Variants in MAST2 observed in about 807,000 individuals in gnomAD.
MAST2 encodes microtubule-associated serine/threonine-protein kinase 2.
MAST2 carries 70 observed loss-of-function variants against 147.4 expected under a neutral mutation model. The observed-to-expected ratio is 0.47, with a 90% CI of 0.39 to 0.58. MAST2 has a LOEUF of 0.58. MAST2 is among the 20% of genes least tolerant of loss of function. MAST2 has a pLI of 0.00. For synonymous variants in MAST2, 869 were observed against 896.8 expected (o/e 0.97, Z 0.55); for missense variants, 2,080 against 2,302.3 (o/e 0.90, Z 1.98).
rs767501184 is a variant in MAST2 at position 46,035,134 on chromosome 1, C to T, written c.4465C>T (p.Arg1489Trp). Residue 1489 changes from arginine to tryptophan, a missense_variant, in exon 29 of 29, where the codon CGG becomes TGG. Coordinates refer to ENST00000361297, the MANE Select transcript of MAST2 (RefSeq NM_015112.3). This position sits in a 1 kb window ranked among gnomAD's most constrained non-coding sequence, Gnocchi z 5.5. ...GTLRQDRAER[R>W]ESLQKQEAIR... is the part of the protein sequence containing the mutation. ...CCTCCGGCAGGACCGAGCCGAACGA[C>T]GGGAGTCGCTGCAGAAGCAAGAAGC... The T allele has an allele frequency of 2.5e-6, 4 of 1,613,702 alleles. No individual in the cohort carries two copies. Among genetic ancestry groups the T allele is most frequent in the South Asian group, 1.1e-5 (1 of 91,084 alleles).
At chr1:45,951,407 AC>A (rs1265524744) in intron 4 of MAST2, among the ~76,000 whole-genome samples, 1 of 151,912 alleles carries the variant, frequency 6.6e-6, no homozygotes, top group Non-Finnish European at 1.5e-5. Context: ...ATATGGTAAA[AC>A]CCTGTCTCTA....
In MAST2 at chr1:46,010,640, C is replaced by T. The variant is rs76400393; in HGVS notation, c.979-90C>T. ...AAGGAAACCAGGATCAGAGGGAGCC[C>T]ATTATTTTGCTATTTCCAGGTCCTT... On this transcript the variant is annotated intron_variant, in intron 9 of 28. Coordinates refer to ENST00000361297, the MANE Select transcript of MAST2 (RefSeq NM_015112.3). 1.3e-3 allele frequency: 1,408 copies of T among 1,078,314 alleles called. 17 individuals carry two copies. The African/African-American group carries it at 0.02, about 16-fold the overall frequency. 66.8% of individuals were successfully genotyped at this position (1,078,314 alleles called of 1,614,324 possible).
chr1:45,915,062 C>CTG (rs1470720278), intron 4 of MAST2, among the ~76,000 whole-genome samples: 1 of 152,162 alleles, frequency 6.6e-6, no homozygotes, highest in Non-Finnish European at 1.5e-5. Context: ...ACCTCAGCAG[C>CTG]TGGGACCACA....
chr1:45,947,674 G>C (rs914841817), intron 4 of MAST2, among the ~76,000 whole-genome samples: 1 of 152,206 alleles, frequency 6.6e-6, no homozygotes, highest in African/African-American at 2.4e-5. Context: ...GTTTGCAGAT[G>C]ACATGATTCT....
At chr1:45,934,146 C>T (rs547203988) in intron 4 of MAST2, among the ~76,000 whole-genome samples, 159 of 152,176 alleles carry the variant, frequency 1.0e-3, no homozygotes, top group African/African-American at 3.6e-3. Flanking sequence ...GTTTAGCTCC[C>T]ACTTATAGGT....
At chr1:45,816,176 A>C (rs1250909107) in intron 1 of MAST2, among the ~76,000 whole-genome samples, 1 of 141,994 alleles carries the variant, frequency 7.0e-6, no homozygotes, top group East Asian at 2.2e-4. Flanking sequence ...GGCAACCCCA[A>C]GAAAGGCAGC....
chr1:46,016,023 A>C (rs1002176805), intron 10 of MAST2, among the ~76,000 whole-genome samples: 14 of 152,178 alleles, frequency 9.2e-5, no homozygotes, highest in African/African-American at 3.4e-4. Flanking sequence ...GGTTCAATAT[A>C]CATAAATCAA....
At chr1:45,992,849 C>T (rs1644903904) in intron 5 of MAST2, among the ~76,000 whole-genome samples, 2 of 152,100 alleles carry the variant, frequency 1.3e-5, no homozygotes, top group South Asian at 2.1e-4. Flanking sequence ...TTTTCTCCTT[C>T]CGTGATCTTT....
At chr1:45,923,381 A>G (rs1216954458) in intron 4 of MAST2, among the ~76,000 whole-genome samples, 1 of 152,164 alleles carries the variant, frequency 6.6e-6, no homozygotes, top group East Asian at 1.9e-4. Flanking sequence ...CCATCACTGT[A>G]ATGTTTCTGA....
intron 4 of MAST2, chr1:45,913,936 C>G (rs1222312885): frequency 1.7e-5 from 19 of 1,098,574 alleles, no homozygotes; most frequent in Admixed American, 4.2e-5. Flanking sequence ...AAAACTAATG[C>G]CAACTAACAC....
chr1:45,943,073 A>G (rs1299704902), intron 4 of MAST2, among the ~76,000 whole-genome samples: 2 of 152,234 alleles, frequency 1.3e-5, no homozygotes, highest in Non-Finnish European at 2.9e-5. Context: ...GTGAAAAATT[A>G]ACATGTATTA....
chr1:46,031,675 G>C lies in MAST2; in HGVS notation c.3187+90G>C. Reference sequence around the variant, plus strand: ...AGGGTTCTGCACGTGGCAGGTGTGTGTGTGTGTGTTAAGCACAGATCTGAC... The same window carrying C: ...AGGGTTCTGCACGTGGCAGGTGTGTCTGTGTGTGTTAAGCACAGATCTGAC... On this transcript the variant is annotated intron_variant, in intron 24 of 28. Transcript: ENST00000361297. The surrounding 1 kb of genome is among the most constrained non-coding windows in gnomAD (Gnocchi z 4.1). 2 of 1,273,526 alleles carry C rather than the reference G, an allele frequency of 1.6e-6. No homozygotes were observed. Among genetic ancestry groups the C allele is most frequent in the Non-Finnish European group, 2.2e-6 (2 of 921,072 alleles). 78.9% of individuals were successfully genotyped at this position (1,273,526 alleles called of 1,614,324 possible).
chr1:45,977,159 A>G (rs914909382), intron 5 of MAST2, among the ~76,000 whole-genome samples: 3 of 152,244 alleles, frequency 2.0e-5, no homozygotes, highest in African/African-American at 7.2e-5. Flanking sequence ...AAAACAGGAT[A>G]TAAAGGATAA....
chr1:45,960,997 T>C (rs929129435), intron 5 of MAST2, among the ~76,000 whole-genome samples: 1 of 151,944 alleles, frequency 6.6e-6, no homozygotes. Context: ...GTCCTGAGAG[T>C]CTGGTGATTC....
Position 46,035,114 on chromosome 1 carries a change from G to A in MAST2, c.4445G>A (p.Arg1482Gln), listed in dbSNP as rs770025915. The part of the protein sequence containing the change: ...PAPSRALGTL[R>Q]QDRAERRESL... ...CCCTCACGGGCCCTAGGCACCCTCC[G>A]GCAGGACCGAGCCGAACGACGGGAG... The change falls in exon 29 of 29, where the codon CGG becomes CAG. Residue 1482 changes from arginine (R) to glutamine (Q), a missense_variant. Physicochemically the swap from Arg to Gln is conservative, Grantham distance 43 (BLOSUM62 1). Around this residue, in one of 4 missense-constraint regions of MAST2, gnomAD observed 1,278 missense variants for 1,304.2 expected, o/e 0.98. Coordinates refer to ENST00000361297, the MANE Select transcript of MAST2 (RefSeq NM_015112.3). The surrounding 1 kb of genome is among the most constrained non-coding windows in gnomAD (Gnocchi z 5.5). 1.5e-5 allele frequency: 25 copies of A among 1,613,500 alleles called. No individual in the cohort carries two copies. The highest frequency in any genetic ancestry group is 4.4e-5 in the South Asian group (4 of 91,092).
At chr1:45,950,636 A>G (rs145347437) in intron 4 of MAST2, among the ~76,000 whole-genome samples, 103 of 152,294 alleles carry the variant, frequency 6.8e-4, no homozygotes, top group African/African-American at 2.2e-3. Context: ...TAACACTTCT[A>G]TTAAGTGACA....
chr1:45,882,148 C>T (rs764426546), intron 3 of MAST2, among the ~76,000 whole-genome samples: 17 of 147,704 alleles, frequency 1.2e-4, no homozygotes, highest in Admixed American at 3.4e-4. Context: ...GCCAAGATTG[C>T]GCCACTGCAC....
chr1:45,821,885 CTTT>C (rs71587723), intron 1 of MAST2, among the ~76,000 whole-genome samples: 1 of 100,846 alleles, frequency 9.9e-6, no homozygotes. Flanking sequence ...TCACCTTCAC[CTTT>C]TTTTTTTTTT....
chr1:45,841,803 C>G (rs963371048), intron 3 of MAST2, among the ~76,000 whole-genome samples: 5 of 152,118 alleles, frequency 3.3e-5, no homozygotes, highest in African/African-American at 1.2e-4. Flanking sequence ...TATTTATGGA[C>G]TTTAAAGCAG....
Sources: allele counts gnomAD v4.1 joint callset (sites outside exome capture counted in the v4.1 genomes callset), GRCh38; gene constraint gnomAD v4.1.1; regional missense constraint gnomAD v4.1.1; non-coding constraint Gnocchi (gnomAD v3.1); transcripts MANE v1.5; gene names NCBI Gene and HGNC (gene_info 2026-07-23, HGNC 2026-07-21).